The following TSPAN13 variants were observed in gnomAD, a reference collection of about 807,000 sequenced individuals.
TSPAN13 encodes tetraspanin 13, also known as tetraspanin-13.
A neutral mutation model predicts 26.9 loss-of-function variants in TSPAN13; 18 were observed. The ratio of observed to expected loss-of-function variants is 0.67; its 90% CI spans 0.46 to 0.99. TSPAN13 has a LOEUF of 0.99. TSPAN13 is among the 50% of genes least tolerant of loss of function. The probability of loss-of-function intolerance (pLI) is 0.00; values close to 1 mark genes in which losing one functional copy is unlikely to be tolerated. For synonymous variants in TSPAN13, 116 were observed against 98.4 expected, an observed-to-expected ratio of 1.18 and a Z score of -1.06; for missense variants, 201 against 249.6, an observed-to-expected ratio of 0.81 and a Z score of 1.31.
intron 1 of TSPAN13, among the ~76,000 whole-genome samples, chr7:16,769,338 G>A (rs1335260425): frequency 2.6e-5 from 4 of 152,190 alleles, no homozygotes; most frequent in African/African-American, 4.8e-5. Context: ...GCCACCAGGA[G>A]CATTTCTTCT....
Position 16,783,426 on chromosome 7 carries a change from G to C in TSPAN13, c.550G>C (p.Val184Leu), listed in dbSNP as rs745570249. ...LFFSFTEILGVWLTYRYRNQK... is the reference protein window; with the variant it reads ...LFFSFTEILGLWLTYRYRNQK... The stretch of plus-strand genomic sequence containing the variant: ...TTTTTCCCCATTCCAGATCCTGGGT[G>C]TTTGGCTGACCTACAGATACAGGAA... Residue 184 changes from valine to leucine, a missense_variant, in exon 6 of 6, where the codon GTT becomes CTT. By Grantham distance (32) the Val-to-Leu change is conservative (BLOSUM62 1). Transcript: ENST00000262067. 8.7e-6 allele frequency: 14 copies of C among 1,613,452 alleles called. No individual in the cohort carries two copies. In the East Asian group the frequency reaches 3.1e-4, roughly 36 times the overall value.
At chr7:16,778,803 AGTGATT>A (rs1442528360) in intron 4 of TSPAN13, among the ~76,000 whole-genome samples, 194 bp from the exon 5 acceptor site, 1 of 152,128 alleles carries the variant, frequency 6.6e-6, no homozygotes, top group Non-Finnish European at 1.5e-5. Context: ...ACTCAAGAGC[AGTGATT>A]GTATAGGGTG....
At chr7:16,759,150 A>G (rs1194894558) in intron 1 of TSPAN13, among the ~76,000 whole-genome samples, 1 of 152,198 alleles carries the variant, frequency 6.6e-6, no homozygotes, top group African/African-American at 2.4e-5. Flanking sequence ...ACAGCTTCAC[A>G]TATGGTGGTC....
In TSPAN13 at chr7:16,753,881, G is replaced by A; in HGVS notation, c.-87G>A. ...TGCGTTGCTGCCCCGCCTGGGCCAGGCCCCAAAGGCAAGGACAAAGCAGCT... is the reference window on the plus strand; with the variant it reads ...TGCGTTGCTGCCCCGCCTGGGCCAGACCCCAAAGGCAAGGACAAAGCAGCT... On this transcript the variant is annotated 5_prime_UTR_variant, in exon 1 of 6. Coordinates refer to ENST00000262067, the MANE Select transcript of TSPAN13 (RefSeq NM_014399.4). The A allele has an allele frequency of 7.1e-7, 1 of 1,413,700 alleles. No individual in the cohort carries two copies. The highest frequency in any genetic ancestry group is 9.8e-7 in the Non-Finnish European group (1 of 1,019,686). The allele number at this position is 1,413,700 out of a possible 1,614,324, so 87.6% of individuals were successfully genotyped here. A position where few individuals can be genotyped will look rare whatever the true frequency, so the allele number is the denominator to read the frequency against.
chr7:16,781,508 T>G (rs1349291883), intron 5 of TSPAN13, among the ~76,000 whole-genome samples: 1 of 152,204 alleles, frequency 6.6e-6, no homozygotes, highest in Non-Finnish European at 1.5e-5. Context: ...AGTTTTGATC[T>G]TTTTGCATTT....
chr7:16,777,782 T>C lies in TSPAN13; in HGVS notation c.313-16T>C. ...TGCAGGGATGACACATTTTATATATTAAACACATTTACTAGGGTCAGCTTC... is the reference window on the plus strand; with the variant it reads ...TGCAGGGATGACACATTTTATATATCAAACACATTTACTAGGGTCAGCTTC... On this transcript the variant is annotated splice_polypyrimidine_tract_variant and intron_variant, in intron 3 of 5. Coordinates refer to ENST00000262067, the MANE Select transcript of TSPAN13 (RefSeq NM_014399.4). The C allele has an allele frequency of 6.2e-7, 1 of 1,605,202 alleles. No homozygotes were observed. The highest frequency in any genetic ancestry group is 8.5e-7 in the Non-Finnish European group (1 of 1,172,822).
rs1455904336 is a variant in TSPAN13, at chr7:16,783,297, C to T, written c.541-120C>T. The T allele has an allele frequency of 1.2e-5, 12 of 965,022 alleles. 1 individual carries two copies. Among genetic ancestry groups the T allele is most frequent in the South Asian group, 8.2e-5 (5 of 61,310 alleles). 59.8% of individuals were successfully genotyped at this position (965,022 alleles called of 1,614,324 possible). A position where few individuals can be genotyped will look rare whatever the true frequency, so the allele number is the denominator to read the frequency against. Reference sequence around the variant, plus strand: ...TTCAAAAAGAAAAAAAATCTCTCCCCGTTGAACAAAAGATGCAAAGCGATT... The same window carrying T: ...TTCAAAAAGAAAAAAAATCTCTCCCTGTTGAACAAAAGATGCAAAGCGATT... On this transcript the variant is annotated intron_variant, in intron 5 of 5. Coordinates refer to ENST00000262067, the MANE Select transcript of TSPAN13 (RefSeq NM_014399.4).
intron 1 of TSPAN13, among the ~76,000 whole-genome samples, chr7:16,765,825 T>C (rs533239765): frequency 2.3e-4 from 35 of 152,358 alleles, no homozygotes; most frequent in Non-Finnish European, 3.8e-4. Flanking sequence ...ACTGTTATTA[T>C]AATAGAACAA....
chr7:16,755,956 T>C (rs1286577772), intron 1 of TSPAN13, among the ~76,000 whole-genome samples: 1 of 152,172 alleles, frequency 6.6e-6, no homozygotes, highest in Non-Finnish European at 1.5e-5. Flanking sequence ...CTTAATGAAT[T>C]GGAAATTCAC....
intron 1 of TSPAN13, among the ~76,000 whole-genome samples, chr7:16,755,805 A>C (rs754338620): frequency 2.0e-5 from 3 of 150,352 alleles, no homozygotes; most frequent in Non-Finnish European, 4.5e-5. Flanking sequence ...CATCATTTTT[A>C]GTTGTATTTA....
intron 1 of TSPAN13, among the ~76,000 whole-genome samples, chr7:16,770,188 T>G (rs915034669): frequency 6.6e-6 from 1 of 150,662 alleles, no homozygotes; most frequent in African/African-American, 2.4e-5. Flanking sequence ...TGTTTAATAT[T>G]TTTTATTTTA....
intron 1 of TSPAN13, among the ~76,000 whole-genome samples, chr7:16,773,883 G>A (rs1196360836): frequency 6.6e-6 from 1 of 152,142 alleles, no homozygotes; most frequent in Non-Finnish European, 1.5e-5. Flanking sequence ...AACTGAATTA[G>A]GATATATGCA....
rs1364308813 is a variant in TSPAN13, at chr7:16,784,290, T to C, written c.*799T>C. On this transcript the variant is annotated 3_prime_UTR_variant, in exon 6 of 6. Coordinates refer to ENST00000262067, the MANE Select transcript of TSPAN13 (RefSeq NM_014399.4). ...TTTAAACAAGTTAGTATTAATGCGT[T>C]GGCCCACGTAGCAAAAAGATATTTG... is the stretch of plus-strand genomic sequence containing the variant. The C allele has an allele frequency of 2.0e-5, 3 of 152,232 alleles. No homozygotes were observed. Among genetic ancestry groups the C allele is most frequent in the African/African-American group, 7.2e-5 (3 of 41,440 alleles). 9.4% of individuals were successfully genotyped at this position (152,232 alleles called of 1,614,324 possible). A position where few individuals can be genotyped will look rare whatever the true frequency, so the allele number is the denominator to read the frequency against.
chr7:16,769,034 C>T (rs1784644170), intron 1 of TSPAN13, among the ~76,000 whole-genome samples: 1 of 152,028 alleles, frequency 6.6e-6, no homozygotes, highest in South Asian at 2.1e-4. Flanking sequence ...CTATGTTGGC[C>T]AGGCTGGTCT....
chr7:16,767,796 A>G (rs1002821327), intron 1 of TSPAN13, among the ~76,000 whole-genome samples: 1 of 152,090 alleles, frequency 6.6e-6, no homozygotes, highest in Non-Finnish European at 1.5e-5. Flanking sequence ...AACATTTTTC[A>G]TGTGTTGATT....
chr7:16,766,271 CACAAACAAGTTTATGATGT>C (rs1418473902), intron 1 of TSPAN13, among the ~76,000 whole-genome samples: 6 of 152,174 alleles, frequency 3.9e-5, no homozygotes, highest in Non-Finnish European at 7.3e-5. Context: ...AATTGATTAG[CACAAACAAGTTTATGATGT>C]ACAGTTTCGC....
intron 3 of TSPAN13, 40 bp from the exon 4 acceptor site, chr7:16,777,758 G>T: frequency 3.4e-6 from 5 of 1,488,502 alleles, no homozygotes; most frequent in Non-Finnish European, 4.7e-6. Context: ...TACATTTTCT[G>T]CAGGGATGAC....
intron 1 of TSPAN13, among the ~76,000 whole-genome samples, chr7:16,760,725 G>C (rs187535448): frequency 5.3e-5 from 8 of 152,312 alleles, no homozygotes; most frequent in Non-Finnish European, 7.4e-5. Context: ...GGAATGGCCA[G>C]TCAGGTAGGA....
chr7:16,771,258 A>G (rs1784676325), intron 1 of TSPAN13, among the ~76,000 whole-genome samples: 1 of 152,340 alleles, frequency 6.6e-6, no homozygotes, highest in East Asian at 1.9e-4. Context: ...CAGTCTTTTC[A>G]GTGTTTTAAA....
Sources: gnomAD v4.1 joint callset for allele counts (sites outside exome capture counted in the v4.1 genomes callset) on GRCh38, gnomAD v4.1.1 for gene constraint, MANE v1.5 for transcripts, NCBI Gene and HGNC (gene_info 2026-07-23, HGNC 2026-07-21) for gene names.